DNAH1: variants seen among roughly 807,000 people sequenced by gnomAD.
DNAH1 encodes axonemal beta dynein heavy chain 1.
Under a neutral mutation model 484.3 loss-of-function variants are expected in DNAH1, and 327 were observed. The observed-to-expected ratio is 0.68, with a 90% CI of 0.62 to 0.74. The LOEUF is 0.74. Among genes scored for constraint, DNAH1 ranks in the 30% least tolerant of loss-of-function variants. The pLI, the probability that DNAH1 is intolerant of heterozygous loss-of-function variation, is 0.00. For missense variants in DNAH1, 5,052 were observed against 5,546.8 expected, an observed-to-expected ratio of 0.91 and a Z score of 2.83; for synonymous variants, 2,192 against 2,191.9, an observed-to-expected ratio of 1.00 and a Z score of 0.00.
chr3:52,369,684 C>T, intron 37 of DNAH1, 141 bp from the exon 38 acceptor site: 2 of 882,206 alleles, frequency 2.3e-6, no homozygotes, highest in South Asian at 1.8e-5. Flanking sequence ...GTTCCTGTCC[C>T]ACCCAGCACT....
intron 1 of DNAH1, among the ~76,000 whole-genome samples, chr3:52,319,268 G>A (rs1232112827): frequency 6.6e-6 from 1 of 152,242 alleles, no homozygotes; most frequent in African/African-American, 2.4e-5. Context: ...GAGTGTCAGT[G>A]AATCCAACCA....
At position 52,381,839 on chromosome 3, in the gene DNAH1, G is replaced by A. The variant is rs1703860345; in HGVS notation, c.7805+3G>A. 1.3e-6 allele frequency: 2 copies of A among 1,580,748 alleles called. No homozygotes were observed. The highest frequency in any genetic ancestry group is 1.7e-6 in the Non-Finnish European group (2 of 1,163,634). On this transcript the variant is annotated splice_donor_region_variant and intron_variant, in intron 49 of 77. Transcript: ENST00000420323. This position sits in a 1 kb window ranked among gnomAD's most constrained non-coding sequence, Gnocchi z 4.1. The stretch of plus-strand genomic sequence containing the variant: ...CTCACAAGGCTCGCCTCGCACATGT[G>A]AGCGCCTCCAGGGCGTGCTGGGCAG...
intron 1 of DNAH1, chr3:52,321,683 GC>G (rs1398234686): frequency 6.6e-6 from 1 of 152,264 alleles, no homozygotes; most frequent in Non-Finnish European, 1.5e-5. Flanking sequence ...GGCATCTGCT[GC>G]TCCCTTTGCA....
chr3:52,390,862 G>A (rs1341124987), intron 60 of DNAH1, 73 bp from the exon 61 acceptor site: 3 of 1,542,808 alleles, frequency 1.9e-6, no homozygotes, highest in South Asian at 1.2e-5. Flanking sequence ...CACGAGGCCG[G>A]GAGATGCTGA....
At chr3:52,326,007 A>C (rs1277441473) in intron 3 of DNAH1, 133 bp from the exon 4 acceptor site, 1 of 891,472 alleles carries the variant, frequency 1.1e-6, no homozygotes, top group Non-Finnish European at 1.6e-6. Context: ...GCCACTGCCC[A>C]GCCACAGGCA....
rs1701360587 is a variant in DNAH1, at chr3:52,326,777, G to C, written c.624G>C (p.Leu208=). 6.2e-7 allele frequency: 1 copy of C among 1,613,786 alleles called. No homozygotes were observed. Among genetic ancestry groups the C allele is most frequent in the Non-Finnish European group, 8.5e-7 (1 of 1,179,782 alleles). ...QYLSLDIEQL[L]FSQGIDSNKL... is the part of the protein sequence containing the mutation. ...TGAGCCTGGACATTGAGCAGTTGCT[G>C]TTCAGCCAGGGCATCGACTCCAACA... Residue 208 remains leucine (L), a synonymous_variant, in exon 5 of 78, where the codon CTG becomes CTC. Transcript: ENST00000420323.
chr3:52,378,017 C>A (rs1458470270), intron 46 of DNAH1, among the ~76,000 whole-genome samples: 1 of 152,136 alleles, frequency 6.6e-6, no homozygotes, highest in Non-Finnish European at 1.5e-5. Context: ...CCTTTCTTTC[C>A]ATTTTCTCCA....
Position 52,383,417 on chromosome 3 carries a change from A to G in DNAH1, c.7973A>G (p.Asn2658Ser), listed in dbSNP as rs2153225227. 2 of 1,613,954 alleles carry G rather than the reference A, an allele frequency of 1.2e-6. No homozygotes were observed. Among genetic ancestry groups the G allele is most frequent in the Non-Finnish European group, 1.7e-6 (2 of 1,179,854 alleles). Reference sequence around the variant, plus strand: ...AACGAATCCTTCCTGGAAGATATCAACAACGTCCTAAACTCTGGTGACATT... The same window carrying G: ...AACGAATCCTTCCTGGAAGATATCAGCAACGTCCTAAACTCTGGTGACATT... ...IKNESFLEDI[N>S]NVLNSGDIPN... Residue 2658 changes from asparagine to serine, a missense_variant, in exon 51 of 78, where the codon AAC becomes AGC. Asn to Ser is a conservative substitution (Grantham distance 46). Around this residue, in one of 4 missense-constraint regions of DNAH1, gnomAD observed 2,929 missense variants for 3,409.4 expected, o/e 0.86. Transcript: ENST00000420323.
intron 45 of DNAH1, 118 bp from the exon 46 acceptor site, chr3:52,375,837 G>A: frequency 8.3e-7 from 1 of 1,200,796 alleles, no homozygotes; most frequent in Non-Finnish European, 1.2e-6. Context: ...GAGCCTTTAT[G>A]GGGTTTGGGG....
At chr3:52,394,810 C>T (rs1360856915) in intron 67 of DNAH1, 105 bp from the exon 68 acceptor site, 4 of 1,509,418 alleles carry the variant, frequency 2.7e-6, no homozygotes, top group Admixed American at 4.0e-5. Context: ...TGCCATACCC[C>T]TGGGATAGCC....
At chr3:52,341,720 T>G (rs901552729) in intron 8 of DNAH1, among the ~76,000 whole-genome samples, 11 of 152,062 alleles carry the variant, frequency 7.2e-5, no homozygotes, top group African/African-American at 2.4e-4. Flanking sequence ...CACGACTGGC[T>G]TGGACTAGCT....
At position 52,360,391 on chromosome 3, in the gene DNAH1, G is replaced by A; in HGVS notation, c.4652G>A (p.Ser1551Asn). Residue 1551 changes from serine to asparagine, a missense_variant, in exon 28 of 78, where the codon AGT (serine) becomes AAT (asparagine). Physicochemically the swap from Ser to Asn is conservative, Grantham distance 46. Coordinates refer to ENST00000420323, the MANE Select transcript of DNAH1 (RefSeq NM_015512.5). ...FIYGYEYLGN[S>N]GRLVITPLTD... ...TATGGCTATGAGTACCTGGGCAACA[G>A]TGGGAGGCTGGTGATCACGCCCCTC... The A allele has an allele frequency of 6.2e-7, 1 of 1,613,992 alleles. No homozygotes were observed. Among genetic ancestry groups the A allele is most frequent in the Non-Finnish European group, 8.5e-7 (1 of 1,179,880 alleles).
Position 52,359,343 on chromosome 3 carries a change from C to G in DNAH1, c.4364C>G (p.Ala1455Gly). 6.4e-7 allele frequency: 1 copy of G among 1,570,250 alleles called. No homozygotes were observed. Among genetic ancestry groups the G allele is most frequent in the Non-Finnish European group, 8.6e-7 (1 of 1,156,924 alleles). Residue 1455 changes from alanine to glycine, a missense_variant, in exon 26 of 78, where the codon GCC (alanine) becomes GGC (glycine). Physicochemically the swap from Ala to Gly is moderately conservative, Grantham distance 60 (BLOSUM62 0). Transcript: ENST00000420323. The stretch of plus-strand genomic sequence containing the variant: ...ATGGAGGTGGCAGAGGCTCTGGAGG[C>G]CGGCAACCTCAGAAGCCAACTGTTC... ...WTMEVAEALEAGNLRSQLFPQ... is the reference protein window; with the variant it reads ...WTMEVAEALEGGNLRSQLFPQ...
In DNAH1 at chr3:52,350,004, C is replaced by A; in HGVS notation, c.2542C>A (p.Arg848Ser). The A allele has an allele frequency of 6.2e-7, 1 of 1,610,528 alleles. No homozygotes were observed. The highest frequency in any genetic ancestry group is 1.1e-5 in the South Asian group (1 of 90,000). ...KEVDSICEEFRSISRKIYEKP... is the reference protein window; with the variant it reads ...KEVDSICEEFSSISRKIYEKP... ...CCACTGCCAGATCTGCGAGGAGTTCCGCAGCATCAGCCGCAAGATCTATGA... is the reference window on the plus strand; with the variant it reads ...CCACTGCCAGATCTGCGAGGAGTTCAGCAGCATCAGCCGCAAGATCTATGA... The change falls in exon 15 of 78, where the codon CGC becomes AGC. Residue 848 changes from arginine to serine, a missense_variant. By Grantham distance (110) the Arg-to-Ser change is moderately radical (BLOSUM62 -1). Coordinates refer to ENST00000420323, the MANE Select transcript of DNAH1 (RefSeq NM_015512.5).
intron 53 of DNAH1, 112 bp from the exon 54 acceptor site, chr3:52,385,225 C>T (rs1313979499): frequency 1.7e-5 from 20 of 1,164,830 alleles, no homozygotes; most frequent in Non-Finnish European, 2.5e-5. Context: ...ATGTGGGGGC[C>T]ACCGAAGCTG....
intron 44 of DNAH1, chr3:52,374,902 T>A: frequency 1.0e-6 from 1 of 984,714 alleles, no homozygotes; most frequent in Non-Finnish European, 1.6e-6. Context: ...AAAACGAGAG[T>A]GACATGAAAA....
chr3:52,360,502 T>C, intron 28 of DNAH1, 78 bp downstream of exon 28: 1 of 1,228,746 alleles, frequency 8.1e-7, no homozygotes, highest in Non-Finnish European at 1.2e-6. Flanking sequence ...CCAGGGACCA[T>C]GGCCACTCTG....
intron 54 of DNAH1, among the ~76,000 whole-genome samples, chr3:52,385,703 C>T (rs1371110662): frequency 2.0e-5 from 3 of 152,248 alleles, no homozygotes; most frequent in Non-Finnish European, 2.9e-5. Flanking sequence ...AACCACAACC[C>T]GGAGTCTGCC....
At chr3:52,342,085 G>A (rs933025949) in intron 8 of DNAH1, among the ~76,000 whole-genome samples, 1 of 152,262 alleles carries the variant, frequency 6.6e-6, no homozygotes, top group Non-Finnish European at 1.5e-5. Flanking sequence ...TCACAGTGGT[G>A]ATAACATTTG....
Sources: allele counts gnomAD v4.1 joint callset (sites outside exome capture counted in the v4.1 genomes callset), GRCh38; gene constraint gnomAD v4.1.1; regional missense constraint gnomAD v4.1.1; non-coding constraint Gnocchi (gnomAD v3.1); transcripts MANE v1.5; gene names NCBI Gene and HGNC (gene_info 2026-07-23, HGNC 2026-07-21).